The following ANKZF1 variants were observed in gnomAD, a reference collection of about 807,000 sequenced individuals.
ANKZF1 encodes the protein ankyrin repeat and zinc finger peptidyl tRNA hydrolase 1.
ANKZF1 carries 84 observed loss-of-function variants against 86.0 expected under a neutral mutation model. The ratio of observed to expected loss-of-function variants is 0.98; its 90% CI spans 0.82 to 1.17. ANKZF1 has a LOEUF of 1.17. Ranked by LOEUF, ANKZF1 falls within the 50% of genes most tolerant of loss-of-function variation. The pLI is 0.00. For synonymous variants in ANKZF1, 331 were observed against 354.2 expected (o/e 0.93, Z 0.74); for missense variants, 893 against 918.4 (o/e 0.97, Z 0.36).
rs1336245832 is a variant in ANKZF1 at position 219,233,284 on chromosome 2, A to G, written c.672-2A>G. On this transcript the variant is annotated splice_acceptor_variant, in intron 6 of 13. Transcript: ENST00000323348. LOFTEE classifies it high-confidence loss of function. Reference sequence around the variant, plus strand: ...CCAGTACTGAGTCTGTGCTGTCTACAGAAGAGAAGTGGTGACACACAAAAC... The same window carrying G: ...CCAGTACTGAGTCTGTGCTGTCTACGGAAGAGAAGTGGTGACACACAAAAC... The G allele has an allele frequency of 6.2e-7, 1 of 1,614,178 alleles. No individual in the cohort carries two copies. Among genetic ancestry groups the G allele is most frequent in the Admixed American group, 1.7e-5 (1 of 60,030 alleles).
At chr2:219,231,722 G>A (rs952012664) in intron 2 of ANKZF1, 2 of 514,560 alleles carry the variant, frequency 3.9e-6, no homozygotes, top group South Asian at 4.4e-5. Flanking sequence ...TTCATTTTAC[G>A]TACATGTTTT....
intron 13 of ANKZF1, 62 bp from the exon 14 acceptor site, chr2:219,236,260 G>A (rs1559260392): frequency 1.2e-6 from 2 of 1,611,432 alleles, no homozygotes; most frequent in African/African-American, 1.3e-5. Flanking sequence ...GAGGGACGGG[G>A]AGAGCGTGGA....
chr2:219,235,612 G>C (rs1415340679), intron 11 of ANKZF1, 27 bp downstream of exon 11: 3 of 1,613,526 alleles, frequency 1.9e-6, no homozygotes, highest in Non-Finnish European at 2.5e-6. Flanking sequence ...AGGACAAGCA[G>C]AGTGGGAAGG....
chr2:219,232,828 A>G (rs1400875183), intron 5 of ANKZF1, 145 bp downstream of exon 5: 1 of 977,222 alleles, frequency 1.0e-6, no homozygotes, highest in Non-Finnish European at 1.5e-6. Flanking sequence ...CTTGAATTGA[A>G]ACTGGCCTGA....
Position 219,235,159 on chromosome 2 carries a change from A to C in ANKZF1, c.1538A>C (p.Gln513Pro). 2 of 1,614,206 alleles carry C rather than the reference A, an allele frequency of 1.2e-6. No individual in the cohort carries two copies. Among genetic ancestry groups the C allele is most frequent in the Non-Finnish European group, 1.7e-6 (2 of 1,180,026 alleles). The part of the protein sequence containing the change: ...RAGDVGVLKL[Q>P]LAPSPADPRV... ...GGAGATGTTGGAGTGCTAAAGCTGC[A>C]GCTAGCTCCCAGCCCTGCAGACCCT... Residue 513 changes from glutamine to proline, a missense_variant, in exon 10 of 14, where the codon CAG becomes CCG. By Grantham distance (76) the Gln-to-Pro change is moderately conservative. Transcript: ENST00000323348.
chr2:219,233,257 C>T (rs751707234), intron 6 of ANKZF1, 29 bp from the exon 7 acceptor site: 1 of 1,614,158 alleles, frequency 6.2e-7, no homozygotes, highest in South Asian at 1.1e-5. Context: ...ACCAGCTGGT[C>T]TCCAGTACTG....
At chr2:219,230,892 C>T (rs1264764698) in intron 2 of ANKZF1, 1 of 152,596 alleles carries the variant, frequency 6.6e-6, no homozygotes, top group Non-Finnish European at 1.5e-5. Flanking sequence ...GCCCGCACCA[C>T]CATGCCCGGC....
rs1559257653 is a variant in ANKZF1 at position 219,235,050 on chromosome 2, G to GC, written c.1434dup (p.Leu482PhefsTer4). ...CACACAGTCATCCCAGGCAGTTGCT[G>GC]CCCCCTTGGGCCCTTTGCTGGATGA... On this transcript the variant is annotated frameshift_variant, in exon 10 of 14. Coordinates refer to ENST00000323348, the MANE Select transcript of ANKZF1 (RefSeq NM_018089.3). LOFTEE classifies it high-confidence loss of function. The GC allele has an allele frequency of 6.2e-7, 1 of 1,614,254 alleles. No individual in the cohort carries two copies. Among genetic ancestry groups the GC allele is most frequent in the Non-Finnish European group, 8.5e-7 (1 of 1,180,054 alleles).
chr2:219,232,395 A>T (rs1951069275), intron 4 of ANKZF1, 33 bp downstream of exon 4: 1 of 1,611,910 alleles, frequency 6.2e-7, no homozygotes, highest in African/African-American at 1.3e-5. Context: ...ATGTAGGAGT[A>T]GGACATGGAG....
Position 219,232,570 on chromosome 2 carries a change from G to A in ANKZF1, c.445G>A (p.Ala149Thr). The A allele has an allele frequency of 6.2e-7, 1 of 1,614,200 alleles. No homozygotes were observed. The highest frequency in any genetic ancestry group is 8.5e-7 in the Non-Finnish European group (1 of 1,180,040). The change falls in exon 5 of 14, where the codon GCT becomes ACT. Residue 149 changes from alanine to threonine, a missense_variant. Ala to Thr is a moderately conservative substitution (Grantham distance 58). Transcript: ENST00000323348. ...EDLQTLDRER[A>T]TFEKLSRPPG... ...CTTGCAGACACTGGATCGGGAGAGG[G>A]CTACATTTGAGAAGTTGAGCCGACC... is the stretch of plus-strand genomic sequence containing the variant.
In ANKZF1 at chr2:219,230,396, T is replaced by G. The variant is rs767129944; in HGVS notation, c.139T>G (p.Ser47Ala). ...GEALARAPRT[S>A]CSGSGERESP... ...GGCTCTGGCCCGGGCTCCGCGTACT[T>G]CCTGTTCAGGTATCCTGGAAGGTTT... The change falls in exon 2 of 14, where the codon TCC (serine) becomes GCC (alanine). Residue 47 changes from serine to alanine, a missense_variant. Physicochemically the swap from Ser to Ala is moderately conservative, Grantham distance 99. Coordinates refer to ENST00000323348, the MANE Select transcript of ANKZF1 (RefSeq NM_018089.3). The G allele has an allele frequency of 1.6e-5, 25 of 1,608,818 alleles. No homozygotes were observed. The highest frequency in any genetic ancestry group is 2.0e-5 in the Non-Finnish European group (23 of 1,176,284).
chr2:219,230,335 T>A lies in ANKZF1; in HGVS notation c.78T>A (p.Phe26Leu). ...ACCTCAGCGCGGATGCTCCGGTCTT[T>A]CAGGGCCTGAGCCTGGTGAGCCACG... ...LFDLSADAPVFQGLSLVSHAP... is the reference protein window; with the variant it reads ...LFDLSADAPVLQGLSLVSHAP... The change falls in exon 2 of 14, where the codon TTT (phenylalanine) becomes TTA (leucine). Residue 26 changes from phenylalanine (F) to leucine (L), a missense_variant. By Grantham distance (22) the Phe-to-Leu change is conservative (BLOSUM62 0). Coordinates refer to ENST00000323348, the MANE Select transcript of ANKZF1 (RefSeq NM_018089.3). 1 of 1,614,114 alleles carries A rather than the reference T, an allele frequency of 6.2e-7. No homozygotes were observed. The highest frequency in any genetic ancestry group is 2.2e-5 in the East Asian group (1 of 44,880).
intron 2 of ANKZF1, chr2:219,230,663 C>T (rs1019025920): frequency 2.7e-6 from 1 of 365,272 alleles, no homozygotes; most frequent in African/African-American, 2.1e-5. Context: ...AGATAAAATT[C>T]TCAGATGTAT....
intron 5 of ANKZF1, 113 bp downstream of exon 5, chr2:219,232,796 G>C: frequency 8.4e-7 from 1 of 1,195,380 alleles, no homozygotes; most frequent in South Asian, 1.5e-5. Context: ...TTGGTTGTGG[G>C]TATCACGCTT....
intron 12 of ANKZF1, 57 bp from the exon 13 acceptor site, chr2:219,235,953 C>CT: frequency 6.2e-7 from 1 of 1,613,948 alleles, no homozygotes; most frequent in South Asian, 1.1e-5. Context: ...GCTGTCACCT[C>CT]TTGGGTGCCC....
rs145985367 is a variant in ANKZF1, at chr2:219,234,046, C to T, written c.1049-87C>T. The stretch of plus-strand genomic sequence containing the variant: ...TCCAGAGGATTTTCTAAGCCTTGGA[C>T]TGCAGCCCAGCTACATCTGCATTGA... On this transcript the variant is annotated intron_variant, in intron 8 of 13. Coordinates refer to ENST00000323348, the MANE Select transcript of ANKZF1 (RefSeq NM_018089.3). The T allele has an allele frequency of 1.4e-5, 21 of 1,547,500 alleles. No homozygotes were observed. The East Asian group carries it at 2.2e-4, about 17-fold the overall frequency.
intron 9 of ANKZF1, 57 bp downstream of exon 9, chr2:219,234,345 G>T (rs761220756): frequency 6.2e-7 from 1 of 1,608,270 alleles, no homozygotes; most frequent in South Asian, 1.1e-5. Context: ...AAATGCACTG[G>T]CAAATTCCCT....
intron 11 of ANKZF1, 52 bp downstream of exon 11, chr2:219,235,637 G>C: frequency 6.2e-7 from 1 of 1,612,172 alleles, no homozygotes; most frequent in Non-Finnish European, 8.5e-7. Flanking sequence ...ACAGATCCTG[G>C]CTAGATCCTT....
chr2:219,234,402 G>A (rs752862067), intron 9 of ANKZF1, 114 bp downstream of exon 9: 23 of 1,306,354 alleles, frequency 1.8e-5, no homozygotes, highest in Non-Finnish European at 2.3e-5. Flanking sequence ...CACCCACAGT[G>A]TCTATCTTAG....
Sources: gnomAD v4.1 joint callset for allele counts on GRCh38, gnomAD v4.1.1 for gene constraint, MANE v1.5 for transcripts, NCBI Gene and HGNC (gene_info 2026-07-23, HGNC 2026-07-21) for gene names.